CACNB2: variants seen among roughly 807,000 people sequenced by gnomAD.
CACNB2 encodes the protein calcium voltage-gated channel auxiliary subunit beta 2.
In CACNB2, 42 loss-of-function variants were observed where a neutral mutation model predicts 73.3. The ratio of observed to expected loss-of-function variants is 0.57; its 90% CI spans 0.45 to 0.74. CACNB2 has a LOEUF of 0.74. Ranked by LOEUF, CACNB2 falls within the 30% of genes least tolerant of loss-of-function variation. The pLI is 0.00. For synonymous variants in CACNB2, 348 were observed against 310.3 expected (o/e 1.12, Z -1.28); for missense variants, 940 against 853.0 (o/e 1.10, Z -1.27).
At chr10:18,222,510 T>G (rs567327306) in intron 2 of CACNB2, among the ~76,000 whole-genome samples, 1 of 152,290 alleles carries the variant, frequency 6.6e-6, no homozygotes, top group East Asian at 1.9e-4. Context: ...TTTTGTTTGT[T>G]TGTTTGCTTG....
At chr10:18,230,661 A>G (rs1433814373) in intron 2 of CACNB2, among the ~76,000 whole-genome samples, 1 of 152,214 alleles carries the variant, frequency 6.6e-6, no homozygotes, top group Non-Finnish European at 1.5e-5. Flanking sequence ...TCATTCTTAA[A>G]GAATCATAGA....
At chr10:18,513,920 C>T (rs2051020185) in intron 6 of CACNB2, among the ~76,000 whole-genome samples, 1 of 152,298 alleles carries the variant, frequency 6.6e-6, no homozygotes, top group Middle Eastern at 3.4e-3. Context: ...CACTTTTATA[C>T]AGTTGATACA....
At chr10:18,414,426 T>C (rs903633522) in intron 3 of CACNB2, among the ~76,000 whole-genome samples, 3 of 152,000 alleles carry the variant, frequency 2.0e-5, no homozygotes, top group Admixed American at 6.6e-5. Context: ...TTCTTATGGG[T>C]AACAGTCACA....
intron 2 of CACNB2, chr10:18,400,848 G>A (rs758619948): frequency 4.4e-5 from 65 of 1,471,248 alleles, no homozygotes; most frequent in Non-Finnish European, 4.0e-5. Context: ...GGGAAAATAA[G>A]AATCTCCCTG....
chr10:18,281,974 C>A (rs1588928688), intron 2 of CACNB2, among the ~76,000 whole-genome samples: 1 of 91,596 alleles, frequency 1.1e-5, no homozygotes, highest in Non-Finnish European at 2.1e-5. Context: ...AGTGAGACTC[C>A]ATCTCAAAAA....
intron 3 of CACNB2, among the ~76,000 whole-genome samples, chr10:18,434,384 C>T (rs1324539051): frequency 6.6e-6 from 1 of 152,062 alleles, no homozygotes; most frequent in African/African-American, 2.4e-5. Context: ...CCTGCCAGTT[C>T]TCAGTGTAGC....
intron 2 of CACNB2, among the ~76,000 whole-genome samples, chr10:18,323,287 A>G (rs1282750900): frequency 6.6e-6 from 1 of 151,620 alleles, no homozygotes; most frequent in Non-Finnish European, 1.5e-5. Context: ...TTATTTTTCC[A>G]TATCTTTACA....
At chr10:18,416,828 G>A (rs141522858) in intron 3 of CACNB2, among the ~76,000 whole-genome samples, 152 of 152,262 alleles carry the variant, frequency 1.0e-3, no homozygotes, top group Non-Finnish European at 1.7e-3. Context: ...TAGGGAAGTG[G>A]AAGCAGATAT....
At chr10:18,480,070 C>G (rs182234327) in intron 3 of CACNB2, among the ~76,000 whole-genome samples, 1 of 152,150 alleles carries the variant, frequency 6.6e-6, no homozygotes, top group East Asian at 1.9e-4. Flanking sequence ...TAGGGGCATT[C>G]AAAATTTTAT....
chr10:18,527,173 G>A (rs1322779349), intron 9 of CACNB2, among the ~76,000 whole-genome samples: 6 of 151,970 alleles, frequency 3.9e-5, no homozygotes, highest in Non-Finnish European at 8.8e-5. Flanking sequence ...TTGAGGCCAG[G>A]AATTCAAGAC....
chr10:18,421,122 C>T (rs2132718522), intron 3 of CACNB2, among the ~76,000 whole-genome samples: 1 of 152,144 alleles, frequency 6.6e-6, no homozygotes, highest in Admixed American at 6.5e-5. Flanking sequence ...GGTCCATTAG[C>T]CCTTGTTAAC....
Position 18,363,526 on chromosome 10 carries a change from G to A in CACNB2, c.214-38398G>A, listed in dbSNP as rs576983698. Reference sequence around the variant, plus strand: ...TGTCTGTCTTATGCTTTCAAAGAGTGTGCACTCTCTGAAGGTTCAGCATGA... The same window carrying A: ...TGTCTGTCTTATGCTTTCAAAGAGTATGCACTCTCTGAAGGTTCAGCATGA... On this transcript the variant is annotated intron_variant, in intron 2 of 13. Transcript: ENST00000324631. Among the ~76,000 whole-genome samples, 110 of 152,182 alleles carry A rather than the reference G, an allele frequency of 7.2e-4. 1 individual carries two copies. Among genetic ancestry groups the A allele is most frequent in the Non-Finnish European group, 1.5e-3 (99 of 68,046 alleles).
intron 2 of CACNB2, among the ~76,000 whole-genome samples, chr10:18,183,650 A>T (rs1288916251): frequency 1.3e-5 from 2 of 152,132 alleles, no homozygotes; most frequent in Non-Finnish European, 2.9e-5. Context: ...CACCCCCATG[A>T]TTCAGTCATC....
chr10:18,271,934 C>G (rs1018635199), intron 2 of CACNB2, among the ~76,000 whole-genome samples: 1 of 152,100 alleles, frequency 6.6e-6, no homozygotes, highest in Non-Finnish European at 1.5e-5. Flanking sequence ...ATGTAACCTA[C>G]CCTGATTTCC....
intron 2 of CACNB2, among the ~76,000 whole-genome samples, chr10:18,399,658 C>T (rs952471869): frequency 2.0e-5 from 3 of 151,976 alleles, no homozygotes; most frequent in Non-Finnish European, 4.4e-5. Flanking sequence ...CCTAGGGTTA[C>T]GGTCGTGAGC....
At chr10:18,295,998 GTTTT>G (rs34043231) in intron 2 of CACNB2, among the ~76,000 whole-genome samples, 797 of 60,786 alleles carry the variant, frequency 0.013, 9 homozygotes, top group Non-Finnish European at 0.019. Context: ...CTTTTTGCGT[GTTTT>G]TTTTTTTTTT....
intron 2 of CACNB2, among the ~76,000 whole-genome samples, chr10:18,390,305 C>A (rs766210862): frequency 1.3e-5 from 2 of 152,210 alleles, no homozygotes; most frequent in African/African-American, 4.8e-5. Flanking sequence ...CTCCACCTCC[C>A]GAGTTCAAGT....
At chr10:18,513,604 G>T (rs2050987056) in intron 6 of CACNB2, 1 of 327,424 alleles carries the variant, frequency 3.1e-6, no homozygotes, top group South Asian at 2.9e-5. Context: ...GACCCATTTT[G>T]AACTCGAATA....
chr10:18,528,414 G>C (rs1363827667), intron 10 of CACNB2, among the ~76,000 whole-genome samples: 1 of 152,130 alleles, frequency 6.6e-6, no homozygotes, highest in Non-Finnish European at 1.5e-5. Context: ...GTTAATCACT[G>C]TTACACATGT....
Sources: gnomAD v4.1 joint callset for allele counts (sites outside exome capture counted in the v4.1 genomes callset) on GRCh38, gnomAD v4.1.1 for gene constraint, MANE v1.5 for transcripts, NCBI Gene and HGNC (gene_info 2026-07-23, HGNC 2026-07-21) for gene names.